NOVA2: variants seen among roughly 807,000 people sequenced by gnomAD.
The protein encoded by NOVA2 is NOVA alternative splicing regulator 2, also known as RNA-binding protein Nova-2.
Under a neutral mutation model 22.5 loss-of-function variants are expected in NOVA2, and 9 were observed. The observed-to-expected ratio is 0.40, with a 90% confidence interval of 0.24 to 0.70. The LOEUF is 0.70. Ranked by LOEUF, NOVA2 falls within the 30% of genes least tolerant of loss-of-function variation. The pLI, the probability that NOVA2 is intolerant of heterozygous loss-of-function variation, is 0.38. For synonymous variants in NOVA2, 318 were observed against 335.2 expected, an observed-to-expected ratio of 0.95 and a Z score of 0.56; for missense variants, 383 against 682.8, an observed-to-expected ratio of 0.56 and a Z score of 4.89.
chr19:45,949,668 C>G (rs1247527946), intron 3 of NOVA2, among the ~76,000 whole-genome samples: 1 of 151,944 alleles, frequency 6.6e-6, no homozygotes, highest in African/African-American at 2.4e-5. Flanking sequence ...ACACTGGAAG[C>G]CTGCTCTCTG....
At chr19:45,955,455 C>G (rs761441169) in intron 2 of NOVA2, among the ~76,000 whole-genome samples, 4 of 152,088 alleles carry the variant, frequency 2.6e-5, no homozygotes, top group Admixed American at 2.6e-4. Flanking sequence ...GAAAACTTGA[C>G]TGGTCAGTGT....
intron 3 of NOVA2, among the ~76,000 whole-genome samples, chr19:45,942,787 T>C (rs1468122117): frequency 2.0e-5 from 3 of 152,156 alleles, no homozygotes; most frequent in Non-Finnish European, 4.4e-5. Context: ...TCAATCTTAA[T>C]TCCTGTGGAG....
chr19:45,966,631 A>G (rs1322407027), intron 1 of NOVA2, among the ~76,000 whole-genome samples: 1 of 152,140 alleles, frequency 6.6e-6, no homozygotes, highest in Middle Eastern at 3.2e-3. Context: ...TAATTCTAGC[A>G]CTTTGGGAGG....
At chr19:45,957,301 G>A (rs533518139) in intron 2 of NOVA2, among the ~76,000 whole-genome samples, 1 of 152,270 alleles carries the variant, frequency 6.6e-6, no homozygotes, top group South Asian at 2.1e-4. Context: ...CACTTTGGGA[G>A]GCCGAGGCGG....
chr19:45,947,410 C>A (rs899852849), intron 3 of NOVA2, among the ~76,000 whole-genome samples: 8 of 151,436 alleles, frequency 5.3e-5, no homozygotes, highest in African/African-American at 1.7e-4. Flanking sequence ...CCAAACTAAG[C>A]CTGATGGACA....
intron 3 of NOVA2, among the ~76,000 whole-genome samples, chr19:45,949,403 C>T (rs1967890243): frequency 6.6e-6 from 1 of 151,278 alleles, no homozygotes; most frequent in South Asian, 2.1e-4. Flanking sequence ...ACAACCACAA[C>T]CAGGAGTGGT....
intron 2 of NOVA2, among the ~76,000 whole-genome samples, chr19:45,958,494 T>C (rs1438343290): frequency 1.4e-5 from 2 of 147,752 alleles, no homozygotes; most frequent in Non-Finnish European, 3.0e-5. Flanking sequence ...TGTGAATGAG[T>C]GTGAGTGTGT....
intron 2 of NOVA2, among the ~76,000 whole-genome samples, chr19:45,960,800 C>T (rs1027472263): frequency 1.6e-4 from 24 of 152,294 alleles, no homozygotes; most frequent in African/African-American, 3.6e-4. Flanking sequence ...ATGCAGCAGG[C>T]CCGTTGTCTT....
At chr19:45,944,488 A>C (rs544309758) in intron 3 of NOVA2, among the ~76,000 whole-genome samples, 5 of 152,244 alleles carry the variant, frequency 3.3e-5, no homozygotes, top group Non-Finnish European at 7.4e-5. Flanking sequence ...AGAAGCAAAA[A>C]ATAAAATTCA....
rs776265750 is a variant in NOVA2 at position 45,953,875 on chromosome 19, C to T, written c.301G>A (p.Glu101Lys). ...GCTTGTGGGATTTCTCGGACCTTCT[C>T]GGCAATAAAGCTGTGCACAGCATTC... The part of the protein sequence containing the change: ...ALNAVHSFIA[E>K]KVREIPQAMT... Residue 101 changes from glutamate (E) to lysine (K), a missense_variant, in exon 3 of 4, where the codon GAG becomes AAG. By Grantham distance (56) the Glu-to-Lys change is moderately conservative. Transcript: ENST00000263257. 3.7e-6 allele frequency: 6 copies of T among 1,614,064 alleles called. No homozygotes were observed. The African/African-American group carries it at 4.0e-5, about 11-fold the overall frequency.
chr19:45,954,997 A>C (rs1967984066), intron 2 of NOVA2, among the ~76,000 whole-genome samples: 1 of 151,916 alleles, frequency 6.6e-6, no homozygotes, highest in Non-Finnish European at 1.5e-5. Flanking sequence ...TCCGGTGAAG[A>C]TGTTCGTGCG....
chr19:45,968,905 T>C (rs1193415041), intron 1 of NOVA2, among the ~76,000 whole-genome samples: 1 of 152,146 alleles, frequency 6.6e-6, no homozygotes, highest in African/African-American at 2.4e-5. Flanking sequence ...ACGCCTGTAA[T>C]CCCAGCACTT....
chr19:45,958,471 T>A (rs1054962071), intron 2 of NOVA2, among the ~76,000 whole-genome samples: 3 of 150,636 alleles, frequency 2.0e-5, no homozygotes, highest in African/African-American at 7.4e-5. Flanking sequence ...AGCGTGTGTG[T>A]GAGTGGGATG....
intron 3 of NOVA2, among the ~76,000 whole-genome samples, chr19:45,953,326 C>T (rs1339320726): frequency 6.6e-6 from 1 of 152,192 alleles, no homozygotes; most frequent in African/African-American, 2.4e-5. Flanking sequence ...TGAAACACCA[C>T]CTCTACCCCC....
rs142878756 is a variant in NOVA2, at chr19:45,948,381, C to T, written c.396+5399G>A. On this transcript the variant is annotated intron_variant, in intron 3 of 3. Transcript: ENST00000263257. ...TTGGGAGGCCAAGGTGGGCGGATCACGGGGTCAGGAGATCAAGACCATTCT... is the reference window on the plus strand; with the variant it reads ...TTGGGAGGCCAAGGTGGGCGGATCATGGGGTCAGGAGATCAAGACCATTCT... 4.0e-3 allele frequency among the ~76,000 whole-genome samples: 602 copies of T among 152,174 alleles called. 2 individuals are homozygous for T. The highest frequency in any genetic ancestry group is 7.1e-3 in the Non-Finnish European group (483 of 68,002).
rs1306489360 is a variant in NOVA2, at chr19:45,939,840, G to A, written c.*23C>T. On this transcript the variant is annotated 3_prime_UTR_variant, in exon 4 of 4. Transcript: ENST00000263257. ...AGGAGGAGATGGGAGGAGAGAAAAG[G>A]GTGGGAGCACACACCACAGGCCTCA... is the stretch of plus-strand genomic sequence containing the variant. 3 of 1,613,354 alleles carry A rather than the reference G, an allele frequency of 1.9e-6. No homozygotes were observed. The highest frequency in any genetic ancestry group is 1.7e-5 in the Admixed American group (1 of 59,938).
chr19:45,954,037 TG>T (rs1600608161), intron 2 of NOVA2, 91 bp from the exon 3 acceptor site: 1 of 1,435,336 alleles, frequency 7.0e-7, no homozygotes, highest in African/African-American at 1.4e-5. Flanking sequence ...AGAGGCAAGC[TG>T]AGGTCCAGAG....
chr19:45,945,634 G>A (rs1325300274), intron 3 of NOVA2, among the ~76,000 whole-genome samples: 1 of 152,004 alleles, frequency 6.6e-6, no homozygotes, highest in Non-Finnish European at 1.5e-5. Context: ...AGGGTGAGTT[G>A]TATGTGAATT....
Position 45,961,080 on chromosome 19 carries a change from C to T in NOVA2, c.159G>A (p.Gln53=), listed in dbSNP as rs747912288. The change falls in exon 2 of 4, where the codon CAG becomes CAA. Residue 53 remains glutamine, a synonymous_variant. Coordinates refer to ENST00000263257, the MANE Select transcript of NOVA2 (RefSeq NM_002516.4). ...TCTCCTTCTGCAGCTGCACGATGGT[C>T]TGCCCGCCCTTGCCAATGATGGAGC... The part of the protein sequence containing the change: ...AAGSIIGKGG[Q]TIVQLQKETG... 6.3e-6 allele frequency: 10 copies of T among 1,588,344 alleles called. No individual in the cohort carries two copies. In the South Asian group the frequency reaches 6.9e-5, roughly 11 times the overall value.
Sources: allele counts gnomAD v4.1 joint callset (sites outside exome capture counted in the v4.1 genomes callset), GRCh38; gene constraint gnomAD v4.1.1; transcripts MANE v1.5; gene names NCBI Gene and HGNC (gene_info 2026-07-23, HGNC 2026-07-21).